The following TMTC2 variants were observed in gnomAD, a reference collection of about 807,000 sequenced individuals.
TMTC2 encodes the protein transmembrane O-mannosyltransferase targeting cadherins 2.
A neutral mutation model predicts 82.4 loss-of-function variants in TMTC2; 43 were observed. The ratio of observed to expected loss-of-function variants is 0.52; its 90% CI spans 0.41 to 0.67. TMTC2 has a LOEUF of 0.67. Ranked by LOEUF, TMTC2 falls within the 30% of genes least tolerant of loss-of-function variation. TMTC2 has a pLI of 0.00. For synonymous variants in TMTC2, 408 were observed against 381.9 expected, an observed-to-expected ratio of 1.07 and a Z score of -0.80; for missense variants, 919 against 1,012.4, an observed-to-expected ratio of 0.91 and a Z score of 1.25.
chr12:82,745,765 C>T (rs1202425615), intron 1 of TMTC2, among the ~76,000 whole-genome samples: 1 of 152,166 alleles, frequency 6.6e-6, no homozygotes, highest in Non-Finnish European at 1.5e-5. Flanking sequence ...ACAGAGCAGG[C>T]AAATAGCTGC....
In TMTC2 at chr12:83,077,880, CTTTTTTTTTTTT is replaced by C. The variant is rs751044763; in HGVS notation, c.2331+16063_2331+16074del. Among the ~76,000 whole-genome samples, 8 of 92,964 alleles carry C rather than the reference CTTTTTTTTTTTT, an allele frequency of 8.6e-5. No homozygotes were observed. In the Admixed American group the frequency reaches 8.9e-4, roughly 10 times the overall value. 61.0% of individuals were successfully genotyped at this position (92,964 alleles called of 152,430 possible). A position where few individuals can be genotyped will look rare whatever the true frequency, so the allele number is the denominator to read the frequency against. On this transcript the variant is annotated intron_variant, in intron 11 of 11. Coordinates refer to ENST00000321196, the MANE Select transcript of TMTC2 (RefSeq NM_152588.3). ...GAGCCACCATGCCCAGACAATCTGT[CTTTTTTTTTTTT>C]TTTTTTTTTTTTTAACAGGGGCCTC...
chr12:82,876,965 A>G lies in TMTC2; in HGVS notation c.655-18853A>G, dbSNP rs529916389. ...TTAATGTGAGCCTTTTTAAATTTTT[A>G]TCTATTTTAAGAATGCTTTCCTTCT... On this transcript the variant is annotated intron_variant, in intron 2 of 11. Transcript: ENST00000321196. 4.1e-4 allele frequency among the ~76,000 whole-genome samples: 63 copies of G among 152,234 alleles called. 3 individuals are homozygous for G. The South Asian group carries it at 0.013, about 31-fold the overall frequency.
At chr12:83,086,324 A>G (rs973240018) in intron 11 of TMTC2, among the ~76,000 whole-genome samples, 5 of 152,174 alleles carry the variant, frequency 3.3e-5, no homozygotes, top group African/African-American at 1.2e-4. Flanking sequence ...CGTTTCCCAT[A>G]TGGAGACACT....
intron 5 of TMTC2, 24 bp downstream of exon 5, chr12:82,965,133 T>G: frequency 6.6e-7 from 1 of 1,524,252 alleles, no homozygotes; most frequent in East Asian, 2.3e-5. Context: ...AAGTGTTTAT[T>G]TTTTTATACC....
At chr12:82,792,667 G>A (rs1878527684) in intron 1 of TMTC2, among the ~76,000 whole-genome samples, 1 of 151,710 alleles carries the variant, frequency 6.6e-6, no homozygotes, top group Non-Finnish European at 1.5e-5. Flanking sequence ...TAGAGATGGG[G>A]GTCTTGCTAT....
chr12:82,888,278 T>C (rs1565793832), intron 2 of TMTC2, among the ~76,000 whole-genome samples: 1 of 152,224 alleles, frequency 6.6e-6, no homozygotes, highest in East Asian at 1.9e-4. Flanking sequence ...ACAACAAAGT[T>C]GTAGTTAGGA....
At chr12:82,772,388 T>C (rs905522956) in intron 1 of TMTC2, among the ~76,000 whole-genome samples, 1 of 152,232 alleles carries the variant, frequency 6.6e-6, no homozygotes, top group African/African-American at 2.4e-5. Flanking sequence ...GTGGAAGTAC[T>C]GTTTTATCTA....
intron 11 of TMTC2, among the ~76,000 whole-genome samples, chr12:83,117,929 T>G (rs1229264333): frequency 6.8e-6 from 1 of 146,574 alleles, no homozygotes; most frequent in Non-Finnish European, 1.5e-5. Flanking sequence ...TATTTATTTA[T>G]TTTGTAAAAG....
At chr12:83,055,941 C>G (rs1882527843) in intron 10 of TMTC2, among the ~76,000 whole-genome samples, 1 of 151,802 alleles carries the variant, frequency 6.6e-6, no homozygotes, top group African/African-American at 2.4e-5. Flanking sequence ...CTGTATTTAC[C>G]ACTGGTAAAG....
intron 9 of TMTC2, among the ~76,000 whole-genome samples, chr12:83,036,937 G>A (rs1352703689): frequency 6.6e-6 from 1 of 152,006 alleles, no homozygotes; most frequent in Non-Finnish European, 1.5e-5. Context: ...ACTCTCATGG[G>A]AACTAATCCA....
chr12:82,978,482 G>A (rs990235990), intron 7 of TMTC2, among the ~76,000 whole-genome samples: 1 of 151,772 alleles, frequency 6.6e-6, no homozygotes, highest in African/African-American at 2.4e-5. Flanking sequence ...ATTTCCGTGT[G>A]TGTGTGTGTA....
intron 11 of TMTC2, among the ~76,000 whole-genome samples, chr12:83,101,273 A>C (rs111264335): frequency 9.7e-4 from 148 of 152,296 alleles, no homozygotes; most frequent in Non-Finnish European, 1.6e-3. Context: ...CAAAGCTATA[A>C]ATTTTGTGTT....
intron 11 of TMTC2, among the ~76,000 whole-genome samples, chr12:83,115,898 C>T (rs1884741292): frequency 6.6e-6 from 1 of 152,152 alleles, no homozygotes; most frequent in African/African-American, 2.4e-5. Flanking sequence ...AGCAATTACC[C>T]TGCCTCAGCC....
At chr12:82,863,405 T>C (rs1347244379) in intron 2 of TMTC2, among the ~76,000 whole-genome samples, 1 of 152,174 alleles carries the variant, frequency 6.6e-6, no homozygotes, top group Non-Finnish European at 1.5e-5. Context: ...ACGAATGAAT[T>C]TGGATTTCCT....
At chr12:82,721,005 A>AG (rs1418456491) in intron 1 of TMTC2, among the ~76,000 whole-genome samples, 1 of 152,236 alleles carries the variant, frequency 6.6e-6, no homozygotes, top group Non-Finnish European at 1.5e-5. Flanking sequence ...AGATCAAGAA[A>AG]GGAAAGCAAG....
At chr12:82,968,718 A>G (rs1397757927) in intron 7 of TMTC2, among the ~76,000 whole-genome samples, 1 of 152,192 alleles carries the variant, frequency 6.6e-6, no homozygotes, top group Non-Finnish European at 1.5e-5. Context: ...AATAAATTTG[A>G]AAATTCAGCC....
intron 1 of TMTC2, among the ~76,000 whole-genome samples, chr12:82,811,608 T>C (rs1050373048): frequency 6.6e-6 from 1 of 152,016 alleles, no homozygotes; most frequent in Non-Finnish European, 1.5e-5. Context: ...GTCTGAAGTT[T>C]CATATATTTG....
intron 1 of TMTC2, among the ~76,000 whole-genome samples, chr12:82,712,030 T>C (rs1873649335): frequency 1.3e-5 from 2 of 152,146 alleles, no homozygotes; most frequent in African/African-American, 4.8e-5. Context: ...TTCCTGTCTT[T>C]TCTTATCTTC....
At chr12:82,727,706 G>A (rs955537024) in intron 1 of TMTC2, among the ~76,000 whole-genome samples, 7 of 149,952 alleles carry the variant, frequency 4.7e-5, no homozygotes, top group Non-Finnish European at 8.9e-5. Context: ...GGGCAACAGA[G>A]TGAGAGTGTC....
Sources: gnomAD v4.1 joint callset for allele counts (sites outside exome capture counted in the v4.1 genomes callset) on GRCh38, gnomAD v4.1.1 for gene constraint, MANE v1.5 for transcripts, NCBI Gene and HGNC (gene_info 2026-07-23, HGNC 2026-07-21) for gene names.